The following ST6GAL1 variants were observed in gnomAD, a reference collection of about 807,000 sequenced individuals.
ST6GAL1 encodes ST6 beta-galactoside alpha-2,6-sialyltransferase 1, also known as beta-galactoside alpha-2,6-sialyltransferase 1.
ST6GAL1 carries 20 observed loss-of-function variants against 38.0 expected under a neutral mutation model. The observed-to-expected ratio is 0.53, with a 90% CI of 0.37 to 0.77. The LOEUF (loss-of-function observed/expected upper bound fraction) is 0.77, where lower values mean the gene tolerates loss of function less well. ST6GAL1 is among the 30% of genes least tolerant of loss of function. ST6GAL1 has a pLI of 0.00. For missense variants in ST6GAL1, 432 were observed against 496.4 expected (o/e 0.87, Z 1.23); for synonymous variants, 196 against 188.2 (o/e 1.04, Z -0.34).
chr3:187,057,010 CT>C (rs1454043747), intron 5 of ST6GAL1, among the ~76,000 whole-genome samples: 1 of 152,104 alleles, frequency 6.6e-6, no homozygotes, highest in Non-Finnish European at 1.5e-5. Context: ...TCTTTTTACT[CT>C]TTTTTCTCTA....
At chr3:186,978,405 A>C (rs910055031) in intron 2 of ST6GAL1, among the ~76,000 whole-genome samples, 5 of 152,086 alleles carry the variant, frequency 3.3e-5, no homozygotes, top group African/African-American at 1.2e-4. Context: ...TTATCTGTGC[A>C]GTTGGTTCCC....
At chr3:186,994,103 T>G (rs1434283454) in intron 2 of ST6GAL1, among the ~76,000 whole-genome samples, 1 of 152,180 alleles carries the variant, frequency 6.6e-6, no homozygotes, top group Non-Finnish European at 1.5e-5. Flanking sequence ...TAGTACAGCT[T>G]CACCTTGGAG....
At chr3:187,050,544 G>GGGAGAGAT (rs1718474162) in intron 4 of ST6GAL1, among the ~76,000 whole-genome samples, 1 of 145,832 alleles carries the variant, frequency 6.9e-6, no homozygotes, top group Non-Finnish European at 1.5e-5. Flanking sequence ...AAGAGAGAGA[G>GGGAGAGAT]AGAGAGAGAG....
At chr3:186,968,156 C>G (rs956321553) in intron 2 of ST6GAL1, among the ~76,000 whole-genome samples, 1 of 152,198 alleles carries the variant, frequency 6.6e-6, no homozygotes, top group Admixed American at 6.5e-5. Context: ...AGTGGCCCAG[C>G]TTTGAAGCCA....
At chr3:187,059,035 A>G (rs114335429) in intron 5 of ST6GAL1, among the ~76,000 whole-genome samples, 2,817 of 152,252 alleles carry the variant, frequency 0.019, 100 homozygotes, top group African/African-American at 0.065. Flanking sequence ...TAGACTTTGA[A>G]AGATGGGCAG....
intron 2 of ST6GAL1, among the ~76,000 whole-genome samples, chr3:187,035,280 G>A (rs139218838): frequency 4.5e-4 from 68 of 152,202 alleles, no homozygotes; most frequent in Non-Finnish European, 7.9e-4. Flanking sequence ...AAAACATTTC[G>A]TGTTCATGGA....
intron 4 of ST6GAL1, among the ~76,000 whole-genome samples, chr3:187,046,041 G>A (rs73053204): frequency 0.2 from 30,007 of 152,134 alleles, 3,094 homozygotes; most frequent in Admixed American, 0.3. Flanking sequence ...AGAGCCCTAG[G>A]AGGTTTTTGA....
intron 2 of ST6GAL1, among the ~76,000 whole-genome samples, chr3:186,987,816 T>G (rs912019499): frequency 4.6e-5 from 7 of 152,272 alleles, no homozygotes; most frequent in African/African-American, 1.7e-4. Context: ...AAGGGAATTA[T>G]TATTATCATT....
chr3:187,008,497 CTA>C (rs1390176820), intron 2 of ST6GAL1, among the ~76,000 whole-genome samples: 1 of 151,968 alleles, frequency 6.6e-6, no homozygotes, highest in African/African-American at 2.4e-5. Flanking sequence ...AACAAAAAAA[CTA>C]TCCACCCAGA....
chr3:186,956,494 A>G (rs374087713), intron 1 of ST6GAL1, among the ~76,000 whole-genome samples: 3 of 152,322 alleles, frequency 2.0e-5, no homozygotes, highest in African/African-American at 7.2e-5. Context: ...TGTGAAATGC[A>G]GTTCTATACC....
intron 2 of ST6GAL1, among the ~76,000 whole-genome samples, chr3:187,001,201 A>G (rs1716605518): frequency 6.6e-6 from 1 of 152,208 alleles, no homozygotes; most frequent in Non-Finnish European, 1.5e-5. Flanking sequence ...AACCCTGGAC[A>G]TTCTGAAATG....
intron 2 of ST6GAL1, among the ~76,000 whole-genome samples, chr3:186,978,317 A>G (rs1226957812): frequency 2.0e-5 from 3 of 152,222 alleles, no homozygotes; most frequent in East Asian, 1.9e-4. Context: ...AACATAGTCT[A>G]TCTAGCTGGA....
intron 1 of ST6GAL1, chr3:186,931,543 C>T (rs925899243): frequency 6.6e-6 from 1 of 152,388 alleles, no homozygotes; most frequent in African/African-American, 2.4e-5. Context: ...ACCTTCACCT[C>T]CTGGAGGTCT....
intron 5 of ST6GAL1, among the ~76,000 whole-genome samples, chr3:187,057,894 C>G (rs1718766953): frequency 6.6e-6 from 1 of 152,192 alleles, no homozygotes; most frequent in African/African-American, 2.4e-5. Context: ...ATGCCCTGCC[C>G]CCAGAGGTGG....
rs1579391996 is a variant in ST6GAL1 at position 187,077,155 on chromosome 3, G to A, written c.*1352G>A. On this transcript the variant is annotated 3_prime_UTR_variant, in exon 8 of 8. Coordinates refer to ENST00000169298, the MANE Select transcript of ST6GAL1 (RefSeq NM_173216.2). ...CTGATTCTCACCAGGTGTGAGAGGT[G>A]TGGTAGCAGATTGCAATGCTCTGCA... 1 of 396,664 alleles carries A rather than the reference G, an allele frequency of 2.5e-6. No individual in the cohort carries two copies. The allele number at this position is 396,664 out of a possible 1,614,324, so 24.6% of individuals were successfully genotyped here. A position where few individuals can be genotyped will look rare whatever the true frequency, so the allele number is the denominator to read the frequency against.
intron 1 of ST6GAL1, among the ~76,000 whole-genome samples, chr3:186,932,582 G>A (rs1579246291): frequency 6.6e-6 from 1 of 152,196 alleles, no homozygotes; most frequent in African/African-American, 2.4e-5. Context: ...ATTGGAATAA[G>A]GCCAGCTACG....
intron 2 of ST6GAL1, among the ~76,000 whole-genome samples, chr3:186,994,336 C>G (rs2108547896): frequency 6.6e-6 from 1 of 152,242 alleles, no homozygotes; most frequent in Admixed American, 6.5e-5. Flanking sequence ...AAATGTTTGT[C>G]TTTTTAGTGT....
At chr3:186,953,196 C>T (rs565739311) in intron 1 of ST6GAL1, among the ~76,000 whole-genome samples, 1 of 152,228 alleles carries the variant, frequency 6.6e-6, no homozygotes, top group South Asian at 2.1e-4. Context: ...CATTCTTCCG[C>T]TCAAAAACCA....
chr3:187,066,601 C>CGTGTGT (rs3055152), intron 5 of ST6GAL1, among the ~76,000 whole-genome samples: 1,802 of 148,794 alleles, frequency 0.012, 18 homozygotes, highest in South Asian at 0.018. Context: ...TGCGTGCGTG[C>CGTGTGT]GTGTGTGTGT....
Sources: gnomAD v4.1 joint callset for allele counts (sites outside exome capture counted in the v4.1 genomes callset) on GRCh38, gnomAD v4.1.1 for gene constraint, MANE v1.5 for transcripts, NCBI Gene and HGNC (gene_info 2026-07-23, HGNC 2026-07-21) for gene names.